Variants in GRIN2B observed in about 807,000 individuals in gnomAD.
The protein encoded by GRIN2B is glutamate receptor ionotropic, NMDA 2B.
Under a neutral mutation model 114.5 loss-of-function variants are expected in GRIN2B, and 5 were observed. The observed-to-expected ratio is 0.04, with a 90% CI of 0.02 to 0.09. The LOEUF is 0.09. Ranked by LOEUF, GRIN2B falls within the 10% of genes least tolerant of loss-of-function variation. GRIN2B has a pLI of 1.00. For synonymous variants in GRIN2B, 787 were observed against 745.1 expected (o/e 1.06, Z -0.92); for missense variants, 1,108 against 1,943.5 (o/e 0.57, Z 8.08).
chr12:13,930,890 C>G (rs1017712402), intron 2 of GRIN2B, among the ~76,000 whole-genome samples: 2 of 152,134 alleles, frequency 1.3e-5, no homozygotes, highest in African/African-American at 4.8e-5. Context: ...TTTGAAATAG[C>G]ATGTGTGTTC....
intron 3 of GRIN2B, 108 bp downstream of exon 3, chr12:13,865,690 A>T: frequency 2.2e-6 from 2 of 925,210 alleles, no homozygotes; most frequent in East Asian, 2.4e-5. Context: ...CTGTCAATGC[A>T]ATCTGGTTAC....
chr12:13,644,047 G>A (rs540012042), intron 5 of GRIN2B, among the ~76,000 whole-genome samples: 5 of 152,194 alleles, frequency 3.3e-5, no homozygotes, highest in African/African-American at 9.6e-5. Flanking sequence ...CATGAATCAC[G>A]AATGTTCTTA....
chr12:13,594,022 C>A (rs1225144523), intron 10 of GRIN2B, among the ~76,000 whole-genome samples: 1 of 152,134 alleles, frequency 6.6e-6, no homozygotes, highest in Non-Finnish European at 1.5e-5. Context: ...AGTCAGGAAA[C>A]AACAGATGCT....
At position 13,626,924 on chromosome 12, in the gene GRIN2B, C is replaced by T. The variant is rs560735687; in HGVS notation, c.1126-10267G>A. ...ATCCTGTGGAGGTTGCCATTTTATT[C>T]CACCTCCTGGTCTACTCACTGACCC... On this transcript the variant is annotated intron_variant, in intron 5 of 13. Coordinates refer to ENST00000609686, the MANE Select transcript of GRIN2B (RefSeq NM_000834.5). Among the ~76,000 whole-genome samples the T allele has an allele frequency of 1.6e-3, 240 of 150,238 alleles. 1 individual carries two copies. Among genetic ancestry groups the T allele is most frequent in the South Asian group, 3.6e-3 (17 of 4,692 alleles).
At chr12:13,566,956 C>G in intron 13 of GRIN2B, 69 bp downstream of exon 13, 3 of 1,067,874 alleles carry the variant, frequency 2.8e-6, no homozygotes, top group East Asian at 2.4e-5. Flanking sequence ...TCTTGGTTCT[C>G]TCTGCTTTGC....
chr12:13,879,942 C>T (rs1233687167), intron 2 of GRIN2B, among the ~76,000 whole-genome samples: 1 of 152,258 alleles, frequency 6.6e-6, no homozygotes, highest in African/African-American at 2.4e-5. Flanking sequence ...CACACACCAG[C>T]TTCTATCCCT....
intron 2 of GRIN2B, among the ~76,000 whole-genome samples, chr12:13,898,416 G>C (rs367568375): frequency 4.6e-5 from 7 of 152,242 alleles, no homozygotes; most frequent in Non-Finnish European, 1.0e-4. Flanking sequence ...AAATGGCAGA[G>C]TAAGGATTTG....
At position 13,538,189 on chromosome 12, in the gene GRIN2B, C is replaced by G. The variant is rs74473371; in HGVS notation, c.*24594G>C. 1 of 152,142 alleles carries G rather than the reference C, an allele frequency of 6.6e-6. No individual in the cohort carries two copies. The highest frequency in any genetic ancestry group is 1.5e-5 in the Non-Finnish European group (1 of 68,042). The allele number at this position is 152,142 out of a possible 1,614,324, so 9.4% of individuals were successfully genotyped here. On this transcript the variant is annotated 3_prime_UTR_variant, in exon 14 of 14. Coordinates refer to ENST00000609686, the MANE Select transcript of GRIN2B (RefSeq NM_000834.5). ...GCCAAGGAGGCTCATCTTTCCGGAACAGTTGGCTGATGGGGACACAACCGG... is the reference window on the plus strand; with the variant it reads ...GCCAAGGAGGCTCATCTTTCCGGAAGAGTTGGCTGATGGGGACACAACCGG...
chr12:13,748,128 T>G (rs1373789103), intron 4 of GRIN2B, among the ~76,000 whole-genome samples: 1 of 152,152 alleles, frequency 6.6e-6, no homozygotes, highest in African/African-American at 2.4e-5. Context: ...CAACTTTCAC[T>G]AAGAAAGAAG....
At chr12:13,856,710 G>A (rs1865666591) in intron 3 of GRIN2B, among the ~76,000 whole-genome samples, 2 of 151,776 alleles carry the variant, frequency 1.3e-5, no homozygotes, top group African/African-American at 2.4e-5. Context: ...ACCTCCCCTG[G>A]CCATCCCTCA....
intron 2 of GRIN2B, among the ~76,000 whole-genome samples, chr12:13,918,148 G>A (rs1355081172): frequency 6.6e-6 from 1 of 152,180 alleles, no homozygotes; most frequent in Non-Finnish European, 1.5e-5. Flanking sequence ...TGCATTTAAA[G>A]ATACAAATCT....
intron 4 of GRIN2B, among the ~76,000 whole-genome samples, chr12:13,689,975 T>C (rs78065714): frequency 0.024 from 3,625 of 152,264 alleles, 125 homozygotes; most frequent in African/African-American, 0.075. Flanking sequence ...TCTCCTCTTG[T>C]CTTATCTTGC....
At chr12:13,929,901 A>G (rs1222523001) in intron 2 of GRIN2B, among the ~76,000 whole-genome samples, 2 of 152,158 alleles carry the variant, frequency 1.3e-5, no homozygotes, top group Non-Finnish European at 2.9e-5. Flanking sequence ...ATAAATAATT[A>G]TTGGCTGGGC....
rs751540918 is a variant in GRIN2B, at chr12:13,675,758, C to A, written c.1112G>T (p.Arg371Met). 1 of 1,599,880 alleles carries A rather than the reference C, an allele frequency of 6.3e-7. No homozygotes were observed. Among genetic ancestry groups the A allele is most frequent in the South Asian group, 1.1e-5 (1 of 90,814 alleles). ...KLVIILLNKE[R>M]KWERVGKWKD... ...GACATGTCTTACCCTTTCCCACTTCCTCTCCTTGTTCAGAAGAATTATCAC... is the reference window on the plus strand; with the variant it reads ...GACATGTCTTACCCTTTCCCACTTCATCTCCTTGTTCAGAAGAATTATCAC... The change falls in exon 5 of 14, where the codon AGG becomes ATG. Residue 371 changes from arginine to methionine, a missense_variant. By Grantham distance (91) the Arg-to-Met change is moderately conservative. Around this residue, in one of 19 missense-constraint regions of GRIN2B, gnomAD observed 199 missense variants for 439.6 expected, o/e 0.45. Coordinates refer to ENST00000609686, the MANE Select transcript of GRIN2B (RefSeq NM_000834.5).
chr12:13,643,317 A>G (rs1949737103), intron 5 of GRIN2B, among the ~76,000 whole-genome samples: 2 of 152,190 alleles, frequency 1.3e-5, no homozygotes, highest in Admixed American at 1.3e-4. Context: ...TTCCAAGTGC[A>G]TATAAAAGTT....
At chr12:13,607,288 TTATATAAAAA>T (rs1413419867) in intron 10 of GRIN2B, among the ~76,000 whole-genome samples, 14 of 14,560 alleles carry the variant, frequency 9.6e-4, no homozygotes, top group Non-Finnish European at 1.9e-3. Context: ...ATAATATATA[TTATATAAAAA>T]TATATATTAT....
At chr12:13,749,536 G>T (rs560439349) in intron 4 of GRIN2B, among the ~76,000 whole-genome samples, 2 of 152,306 alleles carry the variant, frequency 1.3e-5, no homozygotes, top group Admixed American at 1.3e-4. Context: ...GCAGGCCAAA[G>T]GAAAAGTCAT....
chr12:13,758,711 G>T (rs949890836), intron 3 of GRIN2B, among the ~76,000 whole-genome samples: 13 of 152,212 alleles, frequency 8.5e-5, no homozygotes, highest in Admixed American at 8.5e-4. Flanking sequence ...AGGTCTTTTA[G>T]GTATGTTATC....
At chr12:13,783,204 C>T (rs768476252) in intron 3 of GRIN2B, among the ~76,000 whole-genome samples, 5 of 152,090 alleles carry the variant, frequency 3.3e-5, no homozygotes, top group Non-Finnish European at 7.4e-5. Context: ...CAGATGAATT[C>T]ATCTCTTTCG....
Sources: allele counts gnomAD v4.1 joint callset (sites outside exome capture counted in the v4.1 genomes callset), GRCh38; gene constraint gnomAD v4.1.1; regional missense constraint gnomAD v4.1.1; transcripts MANE v1.5; gene names NCBI Gene and HGNC (gene_info 2026-07-23, HGNC 2026-07-21).